DISC1: variants seen among roughly 807,000 people sequenced by gnomAD.
DISC1 encodes the protein DISC1 scaffold protein.
Under a neutral mutation model 84.5 loss-of-function variants are expected in DISC1, and 57 were observed. The observed-to-expected ratio is 0.67, with a 90% CI of 0.55 to 0.84. The LOEUF (loss-of-function observed/expected upper bound fraction) is 0.84. Among genes scored for constraint, DISC1 ranks in the 40% least tolerant of loss-of-function variants. The pLI is 0.00. For synonymous variants in DISC1, 411 were observed against 415.2 expected (o/e 0.99, Z 0.12); for missense variants, 1,000 against 1,057.8 (o/e 0.95, Z 0.76).
intron 11 of DISC1, among the ~76,000 whole-genome samples, chr1:232,016,588 CTG>C (rs1668509013): frequency 6.6e-6 from 1 of 152,230 alleles, no homozygotes; most frequent in African/African-American, 2.4e-5. Context: ...GTAATATAAA[CTG>C]TAGCTTTTCA....
intron 4 of DISC1, among the ~76,000 whole-genome samples, chr1:231,754,870 A>T (rs1040260476): frequency 3.3e-5 from 5 of 152,116 alleles, no homozygotes; most frequent in African/African-American, 1.2e-4. Flanking sequence ...GGCTTACTTT[A>T]TGAGCTATCA....
intron 6 of DISC1, among the ~76,000 whole-genome samples, chr1:231,784,316 G>C (rs2077668383): frequency 1.3e-5 from 2 of 151,768 alleles, no homozygotes; most frequent in South Asian, 4.2e-4. Context: ...GTTATTTGGA[G>C]AAGTTGTACT....
In DISC1 at chr1:232,026,494, A is replaced by G; in HGVS notation, c.2367A>G (p.Leu789=). ...GEKCEDIGKK[L]LYLEDQLHTA... ...AGTGTGAAGACATAGGCAAGAAGCT[A>G]TTGTACTTGGAAGATCAACTTCACA... Residue 789 remains leucine, a synonymous_variant, in exon 12 of 13, where the codon CTA becomes CTG. Transcript: ENST00000439617. 1.2e-6 allele frequency: 2 copies of G among 1,609,084 alleles called. No individual in the cohort carries two copies. The highest frequency in any genetic ancestry group is 1.7e-6 in the Non-Finnish European group (2 of 1,177,684).
intron 3 of DISC1, chr1:231,702,489 A>G: frequency 1.0e-6 from 1 of 987,076 alleles, no homozygotes; most frequent in African/African-American, 1.7e-5. Context: ...AACCAGAGAT[A>G]GGAAATGAGG....
intron 1 of DISC1, among the ~76,000 whole-genome samples, chr1:231,646,022 AAC>A (rs569252361): frequency 8.4e-4 from 127 of 151,844 alleles, no homozygotes; most frequent in Non-Finnish European, 1.5e-3. Context: ...ACATCTACAG[AAC>A]AGTCTATCCA....
chr1:231,627,054 G>A, intron 1 of DISC1, 120 bp downstream of exon 1: 1 of 651,666 alleles, frequency 1.5e-6, no homozygotes, highest in Non-Finnish European at 2.4e-6. Flanking sequence ...CCCCTTTCGA[G>A]GTGAGGGAAA....
intron 10 of DISC1, among the ~76,000 whole-genome samples, chr1:231,988,676 T>C (rs1664790369): frequency 6.6e-6 from 1 of 152,204 alleles, no homozygotes; most frequent in Non-Finnish European, 1.5e-5. Flanking sequence ...TTCAGAACTG[T>C]GAGAAATAAA....
intron 10 of DISC1, among the ~76,000 whole-genome samples, chr1:232,006,490 G>T (rs770413586): frequency 6.6e-6 from 1 of 152,072 alleles, no homozygotes; most frequent in Non-Finnish European, 1.5e-5. Flanking sequence ...TAGAGATCTC[G>T]GGAACTTTGA....
At chr1:231,739,585 A>G (rs1224729810) in intron 3 of DISC1, among the ~76,000 whole-genome samples, 1 of 152,226 alleles carries the variant, frequency 6.6e-6, no homozygotes, top group Admixed American at 6.5e-5. Context: ...CTGCACAGGA[A>G]GAGACGAGAA....
At chr1:231,680,108 A>T (rs2063542647) in intron 1 of DISC1, among the ~76,000 whole-genome samples, 1 of 152,138 alleles carries the variant, frequency 6.6e-6, no homozygotes, top group African/African-American at 2.4e-5. Flanking sequence ...CATGCCTGTA[A>T]TCCCAGCTAC....
intron 7 of DISC1, 139 bp downstream of exon 7, chr1:231,795,435 A>G: frequency 1.4e-6 from 1 of 731,222 alleles, no homozygotes; most frequent in Non-Finnish European, 2.3e-6. Context: ...AGGCCCAATG[A>G]TGAGTTAAAA....
intron 1 of DISC1, among the ~76,000 whole-genome samples, chr1:231,683,712 A>G (rs980040455): frequency 1.3e-5 from 2 of 151,334 alleles, no homozygotes; most frequent in African/African-American, 4.9e-5. Context: ...AGGCGGTCTC[A>G]TTTAACCCTC....
At chr1:232,007,711 T>C (rs1246576399) in intron 10 of DISC1, among the ~76,000 whole-genome samples, 1 of 152,168 alleles carries the variant, frequency 6.6e-6, no homozygotes, top group Non-Finnish European at 1.5e-5. Context: ...AACTTTGGGG[T>C]ACTGTTGGAA....
At chr1:231,989,890 C>T (rs1205908163) in intron 10 of DISC1, among the ~76,000 whole-genome samples, 1 of 152,148 alleles carries the variant, frequency 6.6e-6, no homozygotes, top group Non-Finnish European at 1.5e-5. Context: ...TAACGCTGTG[C>T]GACTGCAAGC....
In DISC1 at chr1:231,859,038, G is replaced by C. The variant is rs76052154; in HGVS notation, c.1981+40521G>C. Among the ~76,000 whole-genome samples the C allele has an allele frequency of 2.6e-3, 391 of 152,260 alleles. 14 individuals are homozygous for C. In the East Asian group the frequency reaches 0.063, roughly 25 times the overall value. On this transcript the variant is annotated intron_variant, in intron 9 of 12. Coordinates refer to ENST00000439617, the MANE Select transcript of DISC1 (RefSeq NM_018662.3). ...TCTGGGGAATGGTGTCTGAGCTCAC[G>C]GTCTCATCTGTGGGAGCTGCATCTC...
chr1:231,699,826 C>T (rs1057355315), intron 2 of DISC1, among the ~76,000 whole-genome samples: 2 of 152,200 alleles, frequency 1.3e-5, no homozygotes, highest in Admixed American at 6.5e-5. Context: ...ACACAGTCCT[C>T]ATTACCTGTG....
At chr1:232,014,916 GTATT>G (rs1344449293) in intron 11 of DISC1, among the ~76,000 whole-genome samples, 4 of 152,142 alleles carry the variant, frequency 2.6e-5, no homozygotes, top group Non-Finnish European at 5.9e-5. Flanking sequence ...GCTCTACATA[GTATT>G]TATTTAGATT....
At chr1:231,988,660 C>T (rs1664788476) in intron 10 of DISC1, among the ~76,000 whole-genome samples, 1 of 152,176 alleles carries the variant, frequency 6.6e-6, no homozygotes, top group Non-Finnish European at 1.5e-5. Flanking sequence ...CTTGGACTCC[C>T]CACCCTTCAG....
chr1:231,833,276 A>G (rs925256172), intron 9 of DISC1, among the ~76,000 whole-genome samples: 1 of 151,400 alleles, frequency 6.6e-6, no homozygotes, highest in African/African-American at 2.5e-5. Flanking sequence ...TAAGAGGTTT[A>G]GAAGCCTGGC....
Sources: allele counts gnomAD v4.1 joint callset (sites outside exome capture counted in the v4.1 genomes callset), GRCh38; gene constraint gnomAD v4.1.1; transcripts MANE v1.5; gene names NCBI Gene and HGNC (gene_info 2026-07-23, HGNC 2026-07-21).